Variants in ADGRL1 observed in about 807,000 individuals in gnomAD.
The protein encoded by ADGRL1 is CIRL-1.
A neutral mutation model predicts 148.9 loss-of-function variants in ADGRL1; 31 were observed. That is an observed-to-expected ratio of 0.21 (90% CI 0.16 to 0.28). The LOEUF (loss-of-function observed/expected upper bound fraction) is 0.28, where lower values mean the gene tolerates loss of function less well. ADGRL1 is among the 10% of genes least tolerant of loss of function. The pLI is 1.00. For synonymous variants in ADGRL1, 937 were observed against 900.3 expected, an observed-to-expected ratio of 1.04 and a Z score of -0.73; for missense variants, 1,521 against 2,058.8, an observed-to-expected ratio of 0.74 and a Z score of 5.05.
Position 14,161,862 on chromosome 19 carries a change from A to G in ADGRL1, c.1196-236T>C, listed in dbSNP as rs998583564. 2.0e-5 allele frequency among the ~76,000 whole-genome samples: 3 copies of G among 152,128 alleles called. No homozygotes were observed. The South Asian group carries it at 6.2e-4, about 32-fold the overall frequency. On this transcript the variant is annotated intron_variant, in intron 5 of 22. Transcript: ENST00000361434. The surrounding 1 kb of genome is among the most constrained non-coding windows in gnomAD (Gnocchi z 4.4). ...AGAGTGGTAAAAATCCACGATGTGT[A>G]CCATAAGGTCTGAGAGAACGGTCAG...
intron 2 of ADGRL1, among the ~76,000 whole-genome samples, chr19:14,183,271 C>T (rs1971348397): frequency 1.3e-5 from 2 of 151,154 alleles, no homozygotes; most frequent in South Asian, 4.2e-4. Context: ...CTGTCCTGGT[C>T]CCAGGGGCCA....
intron 1 of ADGRL1, among the ~76,000 whole-genome samples, chr19:14,205,034 G>T (rs975327729): frequency 3.9e-5 from 6 of 152,092 alleles, no homozygotes; most frequent in African/African-American, 1.4e-4. Flanking sequence ...ACCCGGACTG[G>T]AAGTGTAGAG....
chr19:14,172,264 A>T (rs1970524299), intron 3 of ADGRL1, among the ~76,000 whole-genome samples: 1 of 152,194 alleles, frequency 6.6e-6, no homozygotes, highest in South Asian at 2.1e-4. Context: ...TCTACTAAAA[A>T]TACAAAAACT....
At position 14,155,155 on chromosome 19, in the gene ADGRL1, C is replaced by G. The variant is rs1028068933; in HGVS notation, c.3294+204G>C. On this transcript the variant is annotated intron_variant, in intron 18 of 22. Coordinates refer to ENST00000361434, the MANE Select transcript of ADGRL1 (RefSeq NM_014921.5). The surrounding 1 kb of genome is among the most constrained non-coding windows in gnomAD (Gnocchi z 5.0). ...GTTGCTGTATCTTGTTTTCCAGAACCCTCTTCACCCGTGGTTAAACCCTCC... is the reference window on the plus strand; with the variant it reads ...GTTGCTGTATCTTGTTTTCCAGAACGCTCTTCACCCGTGGTTAAACCCTCC... 1.3e-5 allele frequency: 6 copies of G among 470,674 alleles called. No homozygotes were observed. In the Admixed American group the frequency reaches 1.8e-4, roughly 14 times the overall value. 29.2% of individuals were successfully genotyped at this position (470,674 alleles called of 1,614,324 possible).
chr19:14,184,608 TTATTTA>T (rs1971445615), intron 1 of ADGRL1, among the ~76,000 whole-genome samples: 1 of 62,676 alleles, frequency 1.6e-5, no homozygotes, highest in African/African-American at 6.6e-5. Flanking sequence ...AATTTTTATT[TTATTTA>T]TTTATTTATT....
intron 1 of ADGRL1, chr19:14,191,590 A>G: frequency 2.6e-6 from 1 of 389,238 alleles, no homozygotes; most frequent in Non-Finnish European, 5.2e-6. Flanking sequence ...TCAAGGTGCC[A>G]GCGAATTCAG....
intron 1 of ADGRL1, among the ~76,000 whole-genome samples, chr19:14,185,125 T>C (rs1185600321): frequency 6.6e-6 from 1 of 151,914 alleles, no homozygotes; most frequent in Non-Finnish European, 1.5e-5. Flanking sequence ...TTATGGCTGC[T>C]CCTTCTCACC....
chr19:14,180,054 TAC>T (rs1971083719), intron 2 of ADGRL1, among the ~76,000 whole-genome samples: 1 of 152,144 alleles, frequency 6.6e-6, no homozygotes, highest in Non-Finnish European at 1.5e-5. Flanking sequence ...CTATCAGGGC[TAC>T]AGAGTACAGA....
In ADGRL1 at chr19:14,156,566, T is replaced by TGTGG. The variant is rs1389799841; in HGVS notation, c.3033+91_3033+92insCCAC. 9 of 507,898 alleles carry TGTGG rather than the reference T, an allele frequency of 1.8e-5. No individual in the cohort carries two copies. The African/African-American group carries it at 3.6e-4, about 20-fold the overall frequency. The allele number at this position is 507,898 out of a possible 1,614,324, so 31.5% of individuals were successfully genotyped here. On this transcript the variant is annotated intron_variant, in intron 16 of 22. Transcript: ENST00000361434. ...GAGAGAGAGAGAGTGTGTGTGTGTGTGGGGGGGGTGGGGGGCGGGGGCAGG... is the reference window on the plus strand; with the variant it reads ...GAGAGAGAGAGAGTGTGTGTGTGTGTGTGGGGGGGGGGTGGGGGGCGGGGGCAGG...
Position 14,191,515 on chromosome 19 carries a change from T to C in ADGRL1, c.-95-7818A>G, listed in dbSNP as rs201611409. 47 of 453,082 alleles carry C rather than the reference T, an allele frequency of 1.0e-4. No individual in the cohort carries two copies. The East Asian group carries it at 3.2e-3, about 31-fold the overall frequency. 28.1% of individuals were successfully genotyped at this position (453,082 alleles called of 1,614,324 possible). The stretch of plus-strand genomic sequence containing the variant: ...CTCGGGCTGCCATAACAAAGTGCCA[T>C]AGACTGCGCGGCTTACACAGCAGAA... On this transcript the variant is annotated intron_variant, in intron 1 of 22. Coordinates refer to ENST00000361434, the MANE Select transcript of ADGRL1 (RefSeq NM_014921.5).
rs952473658 is a variant in ADGRL1 at position 14,160,727 on chromosome 19, G to A, written c.1511-31C>T. The A allele has an allele frequency of 5.5e-6, 7 of 1,269,314 alleles. No homozygotes were observed. In the Admixed American group the frequency reaches 1.0e-4, roughly 19 times the overall value. 78.6% of individuals were successfully genotyped at this position (1,269,314 alleles called of 1,614,324 possible). A position where few individuals can be genotyped will look rare whatever the true frequency, so the allele number is the denominator to read the frequency against. ...GGGACAGACAGACAGGAACAGACAA[G>A]GGAGCCAAAGGGAAGAAGAGAAGGA... On this transcript the variant is annotated intron_variant, in intron 6 of 22. Transcript: ENST00000361434. The surrounding 1 kb of genome is among the most constrained non-coding windows in gnomAD (Gnocchi z 5.9).
chr19:14,160,064 G>A lies in ADGRL1; in HGVS notation c.1800+48C>T. On this transcript the variant is annotated intron_variant, in intron 8 of 22. Transcript: ENST00000361434. This position sits in a 1 kb window ranked among gnomAD's most constrained non-coding sequence, Gnocchi z 5.9. ...GGTCAGGTACTTCCCAAGCCCCTGG[G>A]GGCAGGCGCCCTCCCCATACCAGGT... 6.5e-7 allele frequency: 1 copy of A among 1,527,046 alleles called. No individual in the cohort carries two copies. Among genetic ancestry groups the A allele is most frequent in the Non-Finnish European group, 8.8e-7 (1 of 1,133,038 alleles). The allele number at this position is 1,527,046 out of a possible 1,614,324, so 94.6% of individuals were successfully genotyped here.
Position 14,178,213 on chromosome 19 carries a change from G to A in ADGRL1, c.71-469C>T, listed in dbSNP as rs1360082362. Among the ~76,000 whole-genome samples, 3 of 152,192 alleles carry A rather than the reference G, an allele frequency of 2.0e-5. 1 individual carries two copies. Among genetic ancestry groups the A allele is most frequent in the East Asian group, 3.9e-4 (2 of 5,162 alleles). ...ATATGACTGTGGTCCTTATAAAAAC[G>A]GGCAATTTTGGCCAGGCACAGAGGC... On this transcript the variant is annotated intron_variant, in intron 2 of 22. Coordinates refer to ENST00000361434, the MANE Select transcript of ADGRL1 (RefSeq NM_014921.5).
In ADGRL1 at chr19:14,161,014, G is replaced by A. The variant is rs889076280; in HGVS notation, c.1510+298C>T. On this transcript the variant is annotated intron_variant, in intron 6 of 22. Transcript: ENST00000361434. The surrounding 1 kb of genome is among the most constrained non-coding windows in gnomAD (Gnocchi z 4.4). ...TCAGATCTCCAGGACACACGGCCCT[G>A]CCCTTTTTGCACTTCAGCTGGCCAT... Among the ~76,000 whole-genome samples, 2 of 152,184 alleles carry A rather than the reference G, an allele frequency of 1.3e-5. No individual in the cohort carries two copies. The highest frequency in any genetic ancestry group is 2.9e-5 in the Non-Finnish European group (2 of 68,030).
At chr19:14,163,456 CGA>C in intron 4 of ADGRL1, 50 bp from the exon 5 acceptor site, 1 of 940,392 alleles carries the variant, frequency 1.1e-6, no homozygotes, top group South Asian at 1.9e-5. Flanking sequence ...GGGGCAGAGG[CGA>C]GAGGGAGGAG....
intron 3 of ADGRL1, among the ~76,000 whole-genome samples, chr19:14,172,662 C>G (rs2093839520): frequency 6.6e-6 from 1 of 152,136 alleles, no homozygotes; most frequent in South Asian, 2.1e-4. Flanking sequence ...ATCGCTAGAA[C>G]CCAGGAGGCA....
rs1429407277 is a variant in ADGRL1, at chr19:14,204,686, G to A, written c.-96+1299C>T. On this transcript the variant is annotated intron_variant, in intron 1 of 22. Coordinates refer to ENST00000361434, the MANE Select transcript of ADGRL1 (RefSeq NM_014921.5). Reference sequence around the variant, plus strand: ...GCAGAGAGGGGAAGAGAGAAAGACAGAGAGAGATAGAGAAAGACAGAGAGA... The same window carrying A: ...GCAGAGAGGGGAAGAGAGAAAGACAAAGAGAGATAGAGAAAGACAGAGAGA... Among the ~76,000 whole-genome samples, 10 of 149,010 alleles carry A rather than the reference G, an allele frequency of 6.7e-5. No individual in the cohort carries two copies. The South Asian group carries it at 1.3e-3, about 19-fold the overall frequency.
chr19:14,160,056 GC>G lies in ADGRL1; in HGVS notation c.1800+55del, dbSNP rs34846967. ...AGGTACCAGGTCAGGTACTTCCCAAGCCCCTGGGGGCAGGCGCCCTCCCCAT... is the reference window on the plus strand; with the variant it reads ...AGGTACCAGGTCAGGTACTTCCCAAGCCCTGGGGGCAGGCGCCCTCCCCAT... On this transcript the variant is annotated intron_variant, in intron 8 of 22. Transcript: ENST00000361434. This position sits in a 1 kb window ranked among gnomAD's most constrained non-coding sequence, Gnocchi z 5.9. 6.6e-7 allele frequency: 1 copy of G among 1,513,134 alleles called. No individual in the cohort carries two copies. 93.7% of individuals were successfully genotyped at this position (1,513,134 alleles called of 1,614,324 possible). A position where few individuals can be genotyped will look rare whatever the true frequency, so the allele number is the denominator to read the frequency against.
At chr19:14,184,860 C>T (rs1971487318) in intron 1 of ADGRL1, among the ~76,000 whole-genome samples, 1 of 151,978 alleles carries the variant, frequency 6.6e-6, no homozygotes, top group East Asian at 1.9e-4. Flanking sequence ...AGGATGGTCT[C>T]TATCTCCTGA....
Sources: gnomAD v4.1 joint callset for allele counts (sites outside exome capture counted in the v4.1 genomes callset) on GRCh38, gnomAD v4.1.1 for gene constraint, Gnocchi (gnomAD v3.1) non-coding constraint, MANE v1.5 for transcripts, NCBI Gene and HGNC (gene_info 2026-07-23, HGNC 2026-07-21) for gene names.